CTNNA2: variants seen among roughly 807,000 people sequenced by gnomAD.
The protein encoded by CTNNA2 is catenin alpha-2.
CTNNA2 carries 42 observed loss-of-function variants against 101.0 expected under a neutral mutation model. The ratio of observed to expected loss-of-function variants is 0.42; its 90% CI spans 0.32 to 0.54. The LOEUF is 0.54. CTNNA2 is among the 20% of genes least tolerant of loss of function. The probability of loss-of-function intolerance (pLI) is 0.14; values close to 1 mark genes in which losing one functional copy is unlikely to be tolerated. For synonymous variants in CTNNA2, 450 were observed against 456.4 expected (o/e 0.99, Z 0.18); for missense variants, 871 against 1,223.1 (o/e 0.71, Z 4.29).
At chr2:79,995,298 T>G (rs558219498) in intron 7 of CTNNA2, among the ~76,000 whole-genome samples, 26 of 152,292 alleles carry the variant, frequency 1.7e-4, no homozygotes, top group African/African-American at 6.3e-4. Context: ...AGGGGTGGTG[T>G]GTGAATCACC....
upstream of CTNNA2, among the ~76,000 whole-genome samples, chr2:79,512,209 C>T (rs973781904): frequency 6.6e-6 from 1 of 152,148 alleles, no homozygotes; most frequent in Non-Finnish European, 1.5e-5. Context: ...TATAACCTCT[C>T]AGAGGACGAA....
intron 3 of CTNNA2, among the ~76,000 whole-genome samples, chr2:79,812,041 A>G (rs1677082133): frequency 6.6e-6 from 1 of 152,186 alleles, no homozygotes; most frequent in Non-Finnish European, 1.5e-5. Flanking sequence ...TAGAAATACA[A>G]TAGTTTAGTT....
intron 7 of CTNNA2, among the ~76,000 whole-genome samples, chr2:80,376,765 C>T (rs565677398): frequency 9.2e-5 from 14 of 152,300 alleles, no homozygotes; most frequent in African/African-American, 3.4e-4. Context: ...GGAAAGCCTG[C>T]TGCATCTGGC....
chr2:80,496,130 G>A (rs1687445670), intron 9 of CTNNA2, among the ~76,000 whole-genome samples: 1 of 152,106 alleles, frequency 6.6e-6, no homozygotes, highest in South Asian at 2.1e-4. Flanking sequence ...GTTTCGGAGA[G>A]AACATAGTTC....
intron 7 of CTNNA2, among the ~76,000 whole-genome samples, chr2:80,032,265 C>T (rs975153992): frequency 6.6e-6 from 1 of 152,116 alleles, no homozygotes; most frequent in African/African-American, 2.4e-5. Context: ...CCCTGATGTG[C>T]CAACCTGTTG....
chr2:79,922,075 A>T (rs1315925048), intron 7 of CTNNA2, among the ~76,000 whole-genome samples: 1 of 152,164 alleles, frequency 6.6e-6, no homozygotes, highest in Non-Finnish European at 1.5e-5. Flanking sequence ...ATCTGACGTA[A>T]TCAACACTGG....
chr2:80,346,848 G>A (rs1432622689), intron 7 of CTNNA2, among the ~76,000 whole-genome samples: 1 of 152,112 alleles, frequency 6.6e-6, no homozygotes, highest in Non-Finnish European at 1.5e-5. Flanking sequence ...CATCTCCTAG[G>A]TAGGTACCCC....
At chr2:80,295,185 C>T (rs1290097904) in intron 7 of CTNNA2, among the ~76,000 whole-genome samples, 1 of 151,868 alleles carries the variant, frequency 6.6e-6, no homozygotes, top group East Asian at 1.9e-4. Flanking sequence ...CCATTGTGGC[C>T]ACTTACAATG....
chr2:79,196,177 C>T (rs923523927), intron 1 of CTNNA2, among the ~76,000 whole-genome samples: 4 of 152,140 alleles, frequency 2.6e-5, no homozygotes, highest in Non-Finnish European at 5.9e-5. Flanking sequence ...CGTGATCCAC[C>T]CGCCTCGGCC....
At chr2:80,356,212 A>G (rs1335550222) in intron 7 of CTNNA2, among the ~76,000 whole-genome samples, 1 of 152,196 alleles carries the variant, frequency 6.6e-6, no homozygotes, top group East Asian at 1.9e-4. Context: ...TTGGCTGTCT[A>G]TAAAAGCCAA....
At chr2:79,664,954 G>T (rs930843674) in intron 2 of CTNNA2, among the ~76,000 whole-genome samples, 1 of 151,856 alleles carries the variant, frequency 6.6e-6, no homozygotes, top group African/African-American at 2.4e-5. Context: ...CTCGTGATCC[G>T]CCCGTCTCGG....
chr2:79,927,388 G>A (rs1434198893), intron 7 of CTNNA2, among the ~76,000 whole-genome samples: 1 of 152,114 alleles, frequency 6.6e-6, no homozygotes, highest in East Asian at 1.9e-4. Context: ...AGAGGCCATA[G>A]AGACCTACTA....
intron 7 of CTNNA2, among the ~76,000 whole-genome samples, chr2:80,348,108 T>C (rs1672940639): frequency 6.6e-6 from 1 of 152,042 alleles, no homozygotes; most frequent in East Asian, 1.9e-4. Flanking sequence ...TGGTGAAGAG[T>C]TGACAATTTC....
intron 7 of CTNNA2, among the ~76,000 whole-genome samples, chr2:80,314,039 C>G (rs946215421): frequency 6.6e-6 from 1 of 152,120 alleles, no homozygotes; most frequent in Non-Finnish European, 1.5e-5. Context: ...ACACTTGGAG[C>G]CAGGAGTGAG....
At chr2:80,281,629 G>T (rs573100734) in intron 7 of CTNNA2, among the ~76,000 whole-genome samples, 14 of 151,874 alleles carry the variant, frequency 9.2e-5, no homozygotes, top group Non-Finnish European at 1.5e-4. Flanking sequence ...TCTTCAGCTG[G>T]ACTGACTGAG....
chr2:79,806,174 A>G (rs1676557878), intron 3 of CTNNA2, among the ~76,000 whole-genome samples: 1 of 152,054 alleles, frequency 6.6e-6, no homozygotes, highest in African/African-American at 2.4e-5. Context: ...TTATGGGCAC[A>G]AAATGGGGAC....
chr2:79,763,906 T>A (rs748679941), intron 3 of CTNNA2, among the ~76,000 whole-genome samples: 1 of 152,266 alleles, frequency 6.6e-6, no homozygotes, highest in Non-Finnish European at 1.5e-5. Context: ...ATATAAGTTG[T>A]ATTTAAAAGC....
intron 1 of CTNNA2, among the ~76,000 whole-genome samples, chr2:79,528,377 G>GATTATT (rs60857367): frequency 1.3e-5 from 2 of 151,258 alleles, no homozygotes; most frequent in Non-Finnish European, 2.9e-5. Flanking sequence ...ATGCTTGGCT[G>GATTATT]ATTATTATTA....
At chr2:80,312,298 C>G (rs959807233) in intron 7 of CTNNA2, among the ~76,000 whole-genome samples, 1 of 152,146 alleles carries the variant, frequency 6.6e-6, no homozygotes, top group Non-Finnish European at 1.5e-5. Flanking sequence ...ACCGCACAGT[C>G]TAAGCTAATT....
Sources: allele counts gnomAD v4.1 joint callset (sites outside exome capture counted in the v4.1 genomes callset), GRCh38; gene constraint gnomAD v4.1.1; transcripts MANE v1.5; gene names NCBI Gene and HGNC (gene_info 2026-07-23, HGNC 2026-07-21).